Variants in SENP8 observed in about 807,000 individuals in gnomAD.
SENP8 encodes the protein sentrin-specific protease 8.
Under a neutral mutation model 14.4 loss-of-function variants are expected in SENP8, and 10 were observed. The ratio of observed to expected loss-of-function variants is 0.69; its 90% CI spans 0.43 to 1.18. SENP8 has a LOEUF of 1.18. SENP8 is among the 50% of genes most tolerant of loss of function. The pLI is 0.00. For synonymous variants in SENP8, 94 were observed against 95.5 expected (o/e 0.98, Z 0.09); for missense variants, 202 against 249.4 (o/e 0.81, Z 1.28).
chr15:72,115,324 C>G (rs2080931653), upstream of SENP8, among the ~76,000 whole-genome samples: 1 of 152,138 alleles, frequency 6.6e-6, no homozygotes, highest in Admixed American at 6.5e-5. Context: ...ATCCAAATGC[C>G]TAATGGTCAT....
intron 1 of SENP8, among the ~76,000 whole-genome samples, chr15:72,126,594 C>T (rs1309062518): frequency 1.3e-5 from 2 of 149,884 alleles, no homozygotes; most frequent in Non-Finnish European, 3.0e-5. Flanking sequence ...CACTACACTC[C>T]AGCCGGGGCG....
chr15:72,120,577 C>G (rs2081158883), intron 1 of SENP8, among the ~76,000 whole-genome samples: 1 of 152,066 alleles, frequency 6.6e-6, no homozygotes, highest in Non-Finnish European at 1.5e-5. Context: ...TGTTGGCAGT[C>G]CACCTTATAG....
Position 72,141,256 on chromosome 15 carries a change from G to C in SENP8, c.*994G>C, listed in dbSNP as rs2081377945. 6.6e-6 allele frequency: 1 copy of C among 151,994 alleles called. No individual in the cohort carries two copies. The highest frequency in any genetic ancestry group is 1.9e-4 in the East Asian group (1 of 5,196). 9.4% of individuals were successfully genotyped at this position (151,994 alleles called of 1,614,324 possible). ...TCTGAAACTTAACAGACTTAGAGTT[G>C]GTTTGTTTTTTAAATATAAAGGAAG... On this transcript the variant is annotated 3_prime_UTR_variant, in exon 2 of 2. Transcript: ENST00000340912.
At chr15:72,133,661 A>G (rs1055041519) in intron 1 of SENP8, among the ~76,000 whole-genome samples, 2 of 152,212 alleles carry the variant, frequency 1.3e-5, no homozygotes, top group African/African-American at 4.8e-5. Flanking sequence ...GCCACCTTAT[A>G]CATCTTTGTA....
chr15:72,120,836 AAGAG>A (rs2081161263), intron 1 of SENP8, among the ~76,000 whole-genome samples: 1 of 152,206 alleles, frequency 6.6e-6, no homozygotes, highest in Non-Finnish European at 1.5e-5. Flanking sequence ...ATTGGTAAAA[AAGAG>A]AGTGCTAATA....
In SENP8 at chr15:72,140,484, A is replaced by C. The variant is rs2081371511; in HGVS notation, c.*222A>C. On this transcript the variant is annotated 3_prime_UTR_variant, in exon 2 of 2. Transcript: ENST00000340912. ...CTGTGAAAATATCTTGAAATTGTAC[A>C]CCAAAACCTTACAACCAACTTATTT... The C allele has an allele frequency of 5.6e-6, 3 of 536,924 alleles. No homozygotes were observed. In the Admixed American group the frequency reaches 1.1e-4, roughly 19 times the overall value. 33.3% of individuals were successfully genotyped at this position (536,924 alleles called of 1,614,324 possible).
intron 1 of SENP8, among the ~76,000 whole-genome samples, chr15:72,136,856 G>A (rs572423669): frequency 2.0e-5 from 3 of 152,150 alleles, no homozygotes; most frequent in Non-Finnish European, 2.9e-5. Context: ...AAATATTGTC[G>A]TGCTGCCAGG....
chr15:72,130,668 A>G (rs1025044224), intron 1 of SENP8, among the ~76,000 whole-genome samples: 1 of 151,044 alleles, frequency 6.6e-6, no homozygotes, highest in South Asian at 2.1e-4. Flanking sequence ...GGTTCAAGCA[A>G]TTCTCCTGCC....
chr15:72,125,112 T>G (rs1325828397), intron 1 of SENP8, among the ~76,000 whole-genome samples: 1 of 152,208 alleles, frequency 6.6e-6, no homozygotes, highest in African/African-American at 2.4e-5. Context: ...TTGTTGAATT[T>G]TTGCACACAT....
At chr15:72,118,254 GC>G (rs1208900210), upstream of SENP8, 2 of 316,930 alleles carry the variant, frequency 6.3e-6, no homozygotes, top group Non-Finnish European at 1.1e-5. Flanking sequence ...GCGCAGACAC[GC>G]CCCCTTTCCT....
At chr15:72,123,566 G>A (rs1032447328) in intron 1 of SENP8, among the ~76,000 whole-genome samples, 14 of 149,698 alleles carry the variant, frequency 9.4e-5, no homozygotes, top group Non-Finnish European at 1.6e-4. Flanking sequence ...TTGTGATGGA[G>A]TTTTGCTCTT....
Position 72,139,630 on chromosome 15 carries a change from C to CCCGTAG in SENP8, c.8_13dup (p.Val4_Val5insAlaVal). ...CAGCCCTCGTCAGTACAAGATGGAC[C>CCCGTAG]CCGTAGTCTTGAGTTACATGGACAG... On this transcript the variant is annotated inframe_insertion, in exon 2 of 2. Coordinates refer to ENST00000340912, the MANE Select transcript of SENP8 (RefSeq NM_145204.4). 6.2e-7 allele frequency: 1 copy of CCCGTAG among 1,613,096 alleles called. No homozygotes were observed. The highest frequency in any genetic ancestry group is 8.5e-7 in the Non-Finnish European group (1 of 1,179,420).
chr15:72,132,872 C>T (rs1424140458), intron 1 of SENP8, among the ~76,000 whole-genome samples: 1 of 152,008 alleles, frequency 6.6e-6, no homozygotes, highest in Non-Finnish European at 1.5e-5. Flanking sequence ...CCTTTACTTG[C>T]AATAAAAATC....
intron 1 of SENP8, among the ~76,000 whole-genome samples, chr15:72,127,896 C>T (rs920689490): frequency 2.0e-5 from 3 of 152,068 alleles, no homozygotes; most frequent in African/African-American, 4.8e-5. Context: ...TGGGATGAGC[C>T]TGGGCAACAT....
intron 1 of SENP8, 71 bp from the exon 2 acceptor site, chr15:72,139,506 A>G: frequency 2.2e-6 from 3 of 1,394,212 alleles, no homozygotes; most frequent in Non-Finnish European, 2.9e-6. Context: ...CCACAACCCT[A>G]TAAAAGTAAC....
chr15:72,123,665 C>A (rs988501627), intron 1 of SENP8, among the ~76,000 whole-genome samples: 1 of 151,980 alleles, frequency 6.6e-6, no homozygotes, highest in African/African-American at 2.4e-5. Context: ...CTCAGCCTCC[C>A]GAGTAGCTAG....
chr15:72,142,169 C>T lies in SENP8; in HGVS notation c.*1907C>T, dbSNP rs1046682712. On this transcript the variant is annotated 3_prime_UTR_variant, in exon 2 of 2. Coordinates refer to ENST00000340912, the MANE Select transcript of SENP8 (RefSeq NM_145204.4). ...AAAAATATATATACACACGTATAGA[C>T]ATGTATATGTAATCTATCTACATAT... 6.6e-6 allele frequency: 1 copy of T among 151,990 alleles called. No individual in the cohort carries two copies. Among genetic ancestry groups the T allele is most frequent in the South Asian group, 2.1e-4 (1 of 4,816 alleles). The allele number at this position is 151,990 out of a possible 1,614,324, so 9.4% of individuals were successfully genotyped here.
rs1453752155 is a variant in SENP8, at chr15:72,139,877, T to C, written c.254T>C (p.Val85Ala). The change falls in exon 2 of 2, where the codon GTT (valine) becomes GCT (alanine). Residue 85 changes from valine (V) to alanine (A), a missense_variant. Coordinates refer to ENST00000340912, the MANE Select transcript of SENP8 (RefSeq NM_145204.4). ...LEPLDLPNKR[V>A]VFLAINDNSN... Reference sequence around the variant, plus strand: ...CCACTGGACCTCCCCAACAAGAGAGTTGTATTTTTAGCCATCAATGATAAC... The same window carrying C: ...CCACTGGACCTCCCCAACAAGAGAGCTGTATTTTTAGCCATCAATGATAAC... 3 of 1,614,120 alleles carry C rather than the reference T, an allele frequency of 1.9e-6. No individual in the cohort carries two copies. Among genetic ancestry groups the C allele is most frequent in the Non-Finnish European group, 2.5e-6 (3 of 1,180,018 alleles).
rs1357910555 is a variant in SENP8 at position 72,139,816 on chromosome 15, A to G, written c.193A>G (p.Thr65Ala). 3.7e-6 allele frequency: 6 copies of G among 1,614,098 alleles called. No homozygotes were observed. Among genetic ancestry groups the G allele is most frequent in the Non-Finnish European group, 5.1e-6 (6 of 1,180,040 alleles). The change falls in exon 2 of 2, where the codon ACT (threonine) becomes GCT (alanine). Residue 65 changes from threonine to alanine, a missense_variant. Transcript: ENST00000340912. ...SPEVTQFIKC[T>A]SNPAEIAMFL... ...TGAAGTCACCCAGTTCATCAAGTGC[A>G]CTAGCAACCCAGCAGAGATTGCCAT... is the stretch of plus-strand genomic sequence containing the variant.
Sources: gnomAD v4.1 joint callset for allele counts (sites outside exome capture counted in the v4.1 genomes callset) on GRCh38, gnomAD v4.1.1 for gene constraint, MANE v1.5 for transcripts, NCBI Gene and HGNC (gene_info 2026-07-23, HGNC 2026-07-21) for gene names.